KIF3B: variants seen among roughly 807,000 people sequenced by gnomAD.
KIF3B encodes kinesin-like protein KIF3B.
A neutral mutation model predicts 74.3 loss-of-function variants in KIF3B; 38 were observed. The ratio of observed to expected loss-of-function variants is 0.51; its 90% confidence interval spans 0.39 to 0.67. The LOEUF (loss-of-function observed/expected upper bound fraction) is 0.67, where lower values mean the gene tolerates loss of function less well. KIF3B is among the 30% of genes least tolerant of loss of function. The pLI, the probability that KIF3B is intolerant of heterozygous loss-of-function variation, is 0.00. For missense variants in KIF3B, 649 were observed against 932.0 expected (o/e 0.70, Z 3.95); for synonymous variants, 326 against 342.5 (o/e 0.95, Z 0.53).
chr20:32,280,093 A>G (rs2047635157), intron 1 of KIF3B, among the ~76,000 whole-genome samples: 1 of 152,194 alleles, frequency 6.6e-6, no homozygotes, highest in South Asian at 2.1e-4. Context: ...CATCTGTAAA[A>G]TGGGGATAGT....
chr20:32,316,952 C>A, intron 5 of KIF3B, 78 bp downstream of exon 5: 2 of 1,128,030 alleles, frequency 1.8e-6, no homozygotes, highest in Non-Finnish European at 2.7e-6. Context: ...AGAAACAGCC[C>A]TGGCTGGGCT....
intron 1 of KIF3B, 42 bp from the exon 2 acceptor site, chr20:32,309,671 T>G: frequency 7.7e-7 from 1 of 1,298,020 alleles, no homozygotes; most frequent in Non-Finnish European, 1.0e-6. Flanking sequence ...CAGGCTGCAA[T>G]GACAACGGTA....
chr20:32,320,389 G>A (rs2047854146), intron 5 of KIF3B, among the ~76,000 whole-genome samples: 4 of 151,544 alleles, frequency 2.6e-5, no homozygotes. Context: ...TTTTGGTATT[G>A]TATCTAGATT....
intron 5 of KIF3B, among the ~76,000 whole-genome samples, chr20:32,317,432 C>G (rs934800886): frequency 3.9e-5 from 6 of 152,094 alleles, no homozygotes; most frequent in Non-Finnish European, 8.8e-5. Context: ...TTACATCTGT[C>G]TGATGATAAG....
rs556679698 is a variant in KIF3B, at chr20:32,310,023, C to G, written c.246C>G (p.Asp82Glu). 7 of 1,614,186 alleles carry G rather than the reference C, an allele frequency of 4.3e-6. No individual in the cohort carries two copies. In the African/African-American group the frequency reaches 8.0e-5, roughly 18 times the overall value. ...LYDETFRPLV[D>E]SVLQGFNGTI... ...ATGAGACGTTCCGACCACTTGTTGA[C>G]TCTGTCCTGCAAGGTTTCAATGGAA... is the stretch of plus-strand genomic sequence containing the variant. Residue 82 changes from aspartate (D) to glutamate (E), a missense_variant, in exon 2 of 9, where the codon GAC (aspartate) becomes GAG (glutamate). Coordinates refer to ENST00000375712, the MANE Select transcript of KIF3B (RefSeq NM_004798.4). The surrounding 1 kb of genome is among the most constrained non-coding windows in gnomAD (Gnocchi z 6.5).
chr20:32,316,530 C>T lies in KIF3B; in HGVS notation c.1510C>T (p.Arg504Cys), dbSNP rs767611809. 3.1e-6 allele frequency: 5 copies of T among 1,613,792 alleles called. No individual in the cohort carries two copies. Among genetic ancestry groups the T allele is most frequent in the East Asian group, 2.2e-5 (1 of 44,854 alleles). ...TGAATTTTGTCATGTTGCTCAGAAACGTCGAGAAAGAGAAATCCAGCAACA... is the reference window on the plus strand; with the variant it reads ...TGAATTTTGTCATGTTGCTCAGAAATGTCGAGAAAGAGAAATCCAGCAACA... ...QKRQEIAEQK[R>C]REREIQQQME... The change falls in exon 4 of 9, where the codon CGT (arginine) becomes TGT (cysteine). Residue 504 changes from arginine (R) to cysteine (C), a missense_variant. Around this residue, in one of 4 missense-constraint regions of KIF3B, gnomAD observed 363 missense variants for 592.8 expected, o/e 0.61. Transcript: ENST00000375712.
At position 32,289,187 on chromosome 20, in the gene KIF3B, T is replaced by A. The variant is rs536819298; in HGVS notation, c.-66+11422T>A. On this transcript the variant is annotated intron_variant, in intron 1 of 8. Transcript: ENST00000375712. ...TGTCAAGAATACTGTATTTGTTTGG[T>A]ACTGGTCTGGTTTTTTTTTTTTTTT... Among the ~76,000 whole-genome samples the A allele has an allele frequency of 2.7e-5, 4 of 149,736 alleles. No homozygotes were observed. The East Asian group carries it at 8.1e-4, about 30-fold the overall frequency.
At chr20:32,314,421 T>C (rs1321964034) in intron 2 of KIF3B, among the ~76,000 whole-genome samples, 1 of 152,090 alleles carries the variant, frequency 6.6e-6, no homozygotes, top group African/African-American at 2.4e-5. Context: ...GCACCTGTAG[T>C]TCCAGCTACT....
rs935582496 is a variant in KIF3B, at chr20:32,283,093, T to A, written c.-66+5328T>A. 5.3e-5 allele frequency among the ~76,000 whole-genome samples: 8 copies of A among 152,246 alleles called. No homozygotes were observed. The East Asian group carries it at 1.5e-3, about 29-fold the overall frequency. On this transcript the variant is annotated intron_variant, in intron 1 of 8. Transcript: ENST00000375712. Reference sequence around the variant, plus strand: ...CTCTGTCACCCAGGTTGGAATGCAGTGGTGTGATCATGGCTCCCCCACAGC... The same window carrying A: ...CTCTGTCACCCAGGTTGGAATGCAGAGGTGTGATCATGGCTCCCCCACAGC...
At chr20:32,304,601 C>A (rs773566264) in intron 1 of KIF3B, among the ~76,000 whole-genome samples, 4 of 152,100 alleles carry the variant, frequency 2.6e-5, no homozygotes, top group Non-Finnish European at 5.9e-5. Context: ...GCTGCTGTTG[C>A]AGAGAATAAA....
At chr20:32,287,317 A>T (rs572681690) in intron 1 of KIF3B, among the ~76,000 whole-genome samples, 1 of 145,552 alleles carries the variant, frequency 6.9e-6, no homozygotes, top group African/African-American at 2.6e-5. Context: ...GGCCCAATCT[A>T]TTTTTTTTAT....
chr20:32,285,040 A>C (rs1270921136), intron 1 of KIF3B, among the ~76,000 whole-genome samples: 1 of 150,372 alleles, frequency 6.7e-6, no homozygotes, highest in Non-Finnish European at 1.5e-5. Context: ...ACCACATCTT[A>C]GCTGTCTTGT....
chr20:32,318,281 GAC>G (rs2047838471), intron 5 of KIF3B, among the ~76,000 whole-genome samples: 1 of 146,388 alleles, frequency 6.8e-6, no homozygotes, highest in Admixed American at 6.9e-5. Context: ...AAGCCTGGGT[GAC>G]ACAGCGAGAT....
At chr20:32,292,598 A>AG (rs1246722342) in intron 1 of KIF3B, among the ~76,000 whole-genome samples, 1 of 150,484 alleles carries the variant, frequency 6.6e-6, no homozygotes, top group Non-Finnish European at 1.5e-5. Flanking sequence ...AAAAAAAAAA[A>AG]AAAAAAAAGA....
intron 5 of KIF3B, among the ~76,000 whole-genome samples, chr20:32,317,768 G>A (rs6141671): frequency 0.34 from 52,144 of 151,438 alleles, 10,243 homozygotes; most frequent in East Asian, 0.74. Context: ...CTCCCGGGTA[G>A]CTGGAACTAC....
intron 7 of KIF3B, among the ~76,000 whole-genome samples, chr20:32,329,905 T>A (rs1418980646): frequency 6.6e-6 from 1 of 152,184 alleles, no homozygotes; most frequent in Non-Finnish European, 1.5e-5. Flanking sequence ...GTTAGTTAGC[T>A]CTTTGGGTGC....
At chr20:32,308,901 G>C (rs1268323435) in intron 1 of KIF3B, among the ~76,000 whole-genome samples, 2 of 151,572 alleles carry the variant, frequency 1.3e-5, no homozygotes, top group Non-Finnish European at 2.9e-5. Flanking sequence ...ATATTTAGTA[G>C]AGATGGGGTT....
In KIF3B at chr20:32,277,706, CCCGCCGCCG is replaced by C. The variant is rs756318630; in HGVS notation, c.-95_-87del. The C allele has an allele frequency of 1.7e-3, 432 of 261,194 alleles. 4 individuals carry two copies. The highest frequency in any genetic ancestry group is 2.9e-3 in the South Asian group (24 of 8,340). 16.2% of individuals were successfully genotyped at this position (261,194 alleles called of 1,614,324 possible). A position where few individuals can be genotyped will look rare whatever the true frequency, so the allele number is the denominator to read the frequency against. On this transcript the variant is annotated 5_prime_UTR_variant, in exon 1 of 9. Coordinates refer to ENST00000375712, the MANE Select transcript of KIF3B (RefSeq NM_004798.4). ...ATGGCTGAGCCAGGGGTTCGCCGCC[CCCGCCGCCG>C]CCGCCGCCGCCGCCGCCGCCGCCGC...
At chr20:32,327,221 G>A (rs967204492) in intron 6 of KIF3B, among the ~76,000 whole-genome samples, 14 of 152,184 alleles carry the variant, frequency 9.2e-5, no homozygotes, top group African/African-American at 3.1e-4. Context: ...GTGTCATTCT[G>A]ACCCACAGTG....
Sources: allele counts gnomAD v4.1 joint callset (sites outside exome capture counted in the v4.1 genomes callset), GRCh38; gene constraint gnomAD v4.1.1; regional missense constraint gnomAD v4.1.1; non-coding constraint Gnocchi (gnomAD v3.1); transcripts MANE v1.5; gene names NCBI Gene and HGNC (gene_info 2026-07-23, HGNC 2026-07-21).